Variants in PDE3A observed in about 807,000 individuals in gnomAD.
PDE3A encodes cGMP-inhibited 3',5'-cyclic phosphodiesterase 3A.
In PDE3A, 43 loss-of-function variants were observed where a neutral mutation model predicts 98.3. The ratio of observed to expected loss-of-function variants is 0.44; its 90% CI spans 0.34 to 0.56. The LOEUF (loss-of-function observed/expected upper bound fraction) is 0.56, where lower values mean the gene tolerates loss of function less well. Ranked by LOEUF, PDE3A falls within the 20% of genes least tolerant of loss-of-function variation. The pLI, the probability that PDE3A is intolerant of heterozygous loss-of-function variation, is 0.01. For synonymous variants in PDE3A, 663 were observed against 567.9 expected, an observed-to-expected ratio of 1.17 and a Z score of -2.38; for missense variants, 1,427 against 1,440.7, an observed-to-expected ratio of 0.99 and a Z score of 0.15.
intron 1 of PDE3A, among the ~76,000 whole-genome samples, chr12:20,391,021 T>A (rs2120607288): frequency 6.6e-6 from 1 of 152,062 alleles, no homozygotes; most frequent in East Asian, 1.9e-4. Context: ...TCAGCTTCTG[T>A]GTAACCCTCT....
At chr12:20,668,220 T>C (rs1024601742) in intron 15 of PDE3A, among the ~76,000 whole-genome samples, 1 of 152,198 alleles carries the variant, frequency 6.6e-6, no homozygotes, top group Non-Finnish European at 1.5e-5. Flanking sequence ...TCTCGCTGAT[T>C]GCTAGCACAG....
At chr12:20,475,042 G>T (rs1247154252) in intron 1 of PDE3A, among the ~76,000 whole-genome samples, 4 of 152,026 alleles carry the variant, frequency 2.6e-5, no homozygotes, top group Admixed American at 6.6e-5. Context: ...GCCCAATTTT[G>T]TAAGTAGTCT....
intron 1 of PDE3A, chr12:20,371,277 A>G: frequency 1.2e-6 from 1 of 804,484 alleles, no homozygotes; most frequent in Non-Finnish European, 1.5e-6. Flanking sequence ...CGGTGTCTAA[A>G]AAAGCATACC....
chr12:20,460,760 G>C (rs771101889), intron 1 of PDE3A, among the ~76,000 whole-genome samples: 1 of 152,134 alleles, frequency 6.6e-6, no homozygotes, highest in Admixed American at 6.6e-5. Flanking sequence ...TAGTTCATCA[G>C]TTTAAGTAGG....
At chr12:20,446,153 G>A (rs1035827701) in intron 1 of PDE3A, among the ~76,000 whole-genome samples, 2 of 152,068 alleles carry the variant, frequency 1.3e-5, no homozygotes, top group African/African-American at 4.8e-5. Flanking sequence ...GCAAAACTAG[G>A]AATTTGTGTT....
intron 1 of PDE3A, among the ~76,000 whole-genome samples, chr12:20,381,284 A>G (rs1943658645): frequency 6.6e-6 from 1 of 151,872 alleles, no homozygotes; most frequent in Non-Finnish European, 1.5e-5. Context: ...AGTTATCTAA[A>G]AAATAAAGTG....
chr12:20,531,991 A>T (rs981948519), intron 1 of PDE3A, among the ~76,000 whole-genome samples: 10 of 151,860 alleles, frequency 6.6e-5, no homozygotes, highest in Non-Finnish European at 1.5e-4. Flanking sequence ...AGTCTAATGG[A>T]TAGATCTGTA....
At chr12:20,371,661 A>G (rs568042699) in intron 1 of PDE3A, among the ~76,000 whole-genome samples, 1 of 152,206 alleles carries the variant, frequency 6.6e-6, no homozygotes, top group Non-Finnish European at 1.5e-5. Flanking sequence ...TTTAAAGCAA[A>G]TGTAGTTATT....
chr12:20,370,250 C>T lies in PDE3A; in HGVS notation c.960+6C>T. The T allele has an allele frequency of 2.6e-6, 4 of 1,521,340 alleles. No individual in the cohort carries two copies. Among genetic ancestry groups the T allele is most frequent in the Non-Finnish European group, 2.6e-6 (3 of 1,137,260 alleles). The allele number at this position is 1,521,340 out of a possible 1,614,324, so 94.2% of individuals were successfully genotyped here. ...CCTGTATACCGAGGGAACAGGTAAGCACTGGCAACTCCTCTCTCGGCTCTT... is the reference window on the plus strand; with the variant it reads ...CCTGTATACCGAGGGAACAGGTAAGTACTGGCAACTCCTCTCTCGGCTCTT... On this transcript the variant is annotated splice_donor_region_variant and intron_variant, in intron 1 of 15. Coordinates refer to ENST00000359062, the MANE Select transcript of PDE3A (RefSeq NM_000921.5).
chr12:20,395,165 G>A (rs1484073129), intron 1 of PDE3A, among the ~76,000 whole-genome samples: 1 of 151,940 alleles, frequency 6.6e-6, no homozygotes, highest in Non-Finnish European at 1.5e-5. Context: ...TAGCCATGTG[G>A]TCTTGGTAAA....
chr12:20,405,629 C>T (rs1187080151), intron 1 of PDE3A, among the ~76,000 whole-genome samples: 5 of 152,000 alleles, frequency 3.3e-5, no homozygotes, highest in African/African-American at 9.7e-5. Flanking sequence ...CGTATATATT[C>T]ACAGAATACA....
intron 15 of PDE3A, among the ~76,000 whole-genome samples, chr12:20,679,009 C>G (rs957527494): frequency 6.6e-6 from 1 of 151,998 alleles, no homozygotes; most frequent in African/African-American, 2.4e-5. Flanking sequence ...AGTATATACT[C>G]TAGGAGGTAC....
chr12:20,369,174 G>C lies in PDE3A; in HGVS notation c.-111G>C. 3.0e-6 allele frequency: 2 copies of C among 677,660 alleles called. No individual in the cohort carries two copies. The highest frequency in any genetic ancestry group is 4.7e-6 in the Non-Finnish European group (2 of 422,576). The allele number at this position is 677,660 out of a possible 1,614,324, so 42.0% of individuals were successfully genotyped here. Reference sequence around the variant, plus strand: ...GAAGAAGGATTCCGAGGGTGGAATTGGGAAGAGCGTGCGTGCGTGTGTGTG... The same window carrying C: ...GAAGAAGGATTCCGAGGGTGGAATTCGGAAGAGCGTGCGTGCGTGTGTGTG... On this transcript the variant is annotated 5_prime_UTR_variant, in exon 1 of 16. Transcript: ENST00000359062.
At chr12:20,433,207 T>C (rs1400787188) in intron 1 of PDE3A, among the ~76,000 whole-genome samples, 1 of 152,084 alleles carries the variant, frequency 6.6e-6, no homozygotes. Context: ...AACCAAACTT[T>C]GGTGGGACAC....
At chr12:20,676,448 G>A (rs979410458) in intron 15 of PDE3A, among the ~76,000 whole-genome samples, 1 of 148,670 alleles carries the variant, frequency 6.7e-6, no homozygotes, top group Non-Finnish European at 1.5e-5. Flanking sequence ...TTCCTTATAA[G>A]TTACTAGATA....
intron 2 of PDE3A, among the ~76,000 whole-genome samples, chr12:20,581,392 G>A (rs1565437588): frequency 1.3e-5 from 2 of 152,006 alleles, no homozygotes; most frequent in Non-Finnish European, 2.9e-5. Context: ...TACAGGTAGT[G>A]GTATGAGAAA....
intron 15 of PDE3A, among the ~76,000 whole-genome samples, chr12:20,673,222 A>C (rs1945537563): frequency 6.6e-6 from 1 of 152,120 alleles, no homozygotes; most frequent in Admixed American, 6.5e-5. Context: ...AAGGATGTGG[A>C]GAAATAGGAA....
At chr12:20,567,421 G>A (rs1379599994) in intron 2 of PDE3A, among the ~76,000 whole-genome samples, 1 of 151,990 alleles carries the variant, frequency 6.6e-6, no homozygotes, top group South Asian at 2.1e-4. Context: ...GTACAGCTAA[G>A]TTGAGATTCC....
intron 1 of PDE3A, among the ~76,000 whole-genome samples, chr12:20,423,951 G>A (rs1412869569): frequency 1.3e-5 from 2 of 152,138 alleles, no homozygotes; most frequent in Non-Finnish European, 2.9e-5. Context: ...ATAACCAAGT[G>A]AGCAATAACT....
Sources: allele counts gnomAD v4.1 joint callset (sites outside exome capture counted in the v4.1 genomes callset), GRCh38; gene constraint gnomAD v4.1.1; transcripts MANE v1.5; gene names NCBI Gene and HGNC (gene_info 2026-07-23, HGNC 2026-07-21).